GALNT13: variants seen among roughly 807,000 people sequenced by gnomAD.
GALNT13 encodes the protein polypeptide N-acetylgalactosaminyltransferase 13.
GALNT13 carries 28 observed loss-of-function variants against 64.2 expected under a neutral mutation model. The ratio of observed to expected loss-of-function variants is 0.44; its 90% CI spans 0.32 to 0.60. The LOEUF (loss-of-function observed/expected upper bound fraction) is 0.60, where lower values mean the gene tolerates loss of function less well. Ranked by LOEUF, GALNT13 falls within the 20% of genes least tolerant of loss-of-function variation. The pLI is 0.05. For synonymous variants in GALNT13, 214 were observed against 224.6 expected, an observed-to-expected ratio of 0.95 and a Z score of 0.42; for missense variants, 577 against 669.8, an observed-to-expected ratio of 0.86 and a Z score of 1.53.
At chr2:153,151,432 G>T in the GALNT13 span, among the ~76,000 whole-genome samples, 1 of 151,916 alleles carries the variant, frequency 6.6e-6, no homozygotes. Flanking sequence ...CGATTCCTCA[G>T]GGATCTAGAA....
chr2:154,233,735 ACT>A (rs1689048869), intron 4 of GALNT13, among the ~76,000 whole-genome samples: 1 of 152,102 alleles, frequency 6.6e-6, no homozygotes, highest in Non-Finnish European at 1.5e-5. Context: ...ACCTAGCCTA[ACT>A]CTGACAAGAT....
the GALNT13 span, among the ~76,000 whole-genome samples, chr2:153,757,297 A>G: frequency 6.6e-6 from 1 of 152,012 alleles, no homozygotes; most frequent in Non-Finnish European, 1.5e-5. Flanking sequence ...GGCTTATTTT[A>G]CTTAGCATAA....
intron 9 of GALNT13, among the ~76,000 whole-genome samples, chr2:154,373,079 A>G (rs78359174): frequency 0.012 from 1,782 of 152,228 alleles, 13 homozygotes; most frequent in Middle Eastern, 0.078. Context: ...AAGTATTTTA[A>G]TGTCAAAGTC....
At chr2:153,522,513 G>C in the GALNT13 span, among the ~76,000 whole-genome samples, 1 of 152,152 alleles carries the variant, frequency 6.6e-6, no homozygotes, top group East Asian at 1.9e-4. Context: ...GAGAGTTCCT[G>C]TTGTTTCTGT....
At chr2:154,360,246 A>T (rs1448924786) in intron 9 of GALNT13, among the ~76,000 whole-genome samples, 1 of 152,166 alleles carries the variant, frequency 6.6e-6, no homozygotes, top group Non-Finnish European at 1.5e-5. Context: ...TTGTTAAAGA[A>T]ATATCATTAA....
At chr2:153,577,196 A>C in the GALNT13 span, among the ~76,000 whole-genome samples, 1 of 152,278 alleles carries the variant, frequency 6.6e-6, no homozygotes, top group Non-Finnish European at 1.5e-5. Flanking sequence ...AAAAGAATGA[A>C]ATGTTTAAGG....
At chr2:153,713,083 T>C in the GALNT13 span, among the ~76,000 whole-genome samples, 1 of 152,198 alleles carries the variant, frequency 6.6e-6, no homozygotes, top group Non-Finnish European at 1.5e-5. Flanking sequence ...ATTCTGTTAA[T>C]GGCCTGAAAC....
intron 4 of GALNT13, among the ~76,000 whole-genome samples, chr2:154,217,349 A>T (rs569418390): frequency 6.6e-6 from 1 of 152,208 alleles, no homozygotes; most frequent in East Asian, 1.9e-4. Context: ...TCTGGAGGGG[A>T]CTACATCTGG....
the GALNT13 span, among the ~76,000 whole-genome samples, chr2:153,544,180 T>G: frequency 5.9e-5 from 9 of 152,314 alleles, no homozygotes; most frequent in Admixed American, 2.0e-4. Flanking sequence ...TAAATCCAAA[T>G]AAGTTTTGGC....
chr2:153,311,459 G>A, the GALNT13 span, among the ~76,000 whole-genome samples: 2 of 152,162 alleles, frequency 1.3e-5, no homozygotes, highest in African/African-American at 2.4e-5. Context: ...AACAACAAAC[G>A]TTTATTATCT....
chr2:154,047,634 C>T (rs577733494), intron 3 of GALNT13, among the ~76,000 whole-genome samples: 80 of 152,286 alleles, frequency 5.3e-4, no homozygotes, highest in African/African-American at 1.8e-3. Context: ...CCTGGTTCAT[C>T]GTAAATGCTC....
At chr2:154,173,400 A>G (rs1685475524) in intron 4 of GALNT13, among the ~76,000 whole-genome samples, 1 of 151,712 alleles carries the variant, frequency 6.6e-6, no homozygotes, top group Admixed American at 6.6e-5. Context: ...AAATTAATAG[A>G]TTGAATTAAA....
At chr2:154,295,888 T>C (rs761741211) in intron 8 of GALNT13, among the ~76,000 whole-genome samples, 27 of 152,192 alleles carry the variant, frequency 1.8e-4, no homozygotes, top group Non-Finnish European at 3.4e-4. Context: ...CTTGCCGTTG[T>C]TGGCTTCATA....
intron 2 of GALNT13, among the ~76,000 whole-genome samples, chr2:153,922,944 G>C (rs1439879364): frequency 6.6e-6 from 1 of 151,808 alleles, no homozygotes; most frequent in African/African-American, 2.4e-5. Flanking sequence ...CTGTCACCCA[G>C]GCTGGAGTGC....
the GALNT13 span, chr2:153,478,665 T>G: frequency 2.0e-6 from 2 of 992,794 alleles, no homozygotes; most frequent in Non-Finnish European, 1.5e-6. Flanking sequence ...ACTCGCAGAC[T>G]AGCGCGTGCG....
chr2:153,233,060 C>T, the GALNT13 span, among the ~76,000 whole-genome samples: 20,909 of 152,194 alleles, frequency 0.14, 1,686 homozygotes, highest in Non-Finnish European at 0.18. Context: ...TCTCACACTA[C>T]ATCTGGCCTA....
intron 12 of GALNT13, among the ~76,000 whole-genome samples, chr2:154,449,000 A>G (rs1356987304): frequency 2.0e-5 from 3 of 152,046 alleles, no homozygotes; most frequent in Non-Finnish European, 4.4e-5. Flanking sequence ...AGAACTGTCT[A>G]GAAAAAATAC....
At chr2:153,845,370 G>A in the GALNT13 span, among the ~76,000 whole-genome samples, 1 of 152,150 alleles carries the variant, frequency 6.6e-6, no homozygotes, top group Non-Finnish European at 1.5e-5. Flanking sequence ...GGGGGAGCAG[G>A]CACATCACAT....
At chr2:153,992,807 G>A (rs891215596) in intron 3 of GALNT13, among the ~76,000 whole-genome samples, 1 of 152,202 alleles carries the variant, frequency 6.6e-6, no homozygotes, top group African/African-American at 2.4e-5. Flanking sequence ...AGCACTAACA[G>A]TGAAAAAGTC....
Sources: allele counts gnomAD v4.1 joint callset (sites outside exome capture counted in the v4.1 genomes callset), GRCh38; gene constraint gnomAD v4.1.1; transcripts MANE v1.5; gene names NCBI Gene and HGNC (gene_info 2026-07-23, HGNC 2026-07-21).